The following DACH1 variants were observed in gnomAD, a reference collection of about 807,000 sequenced individuals.
DACH1 encodes the protein dachshund family transcription factor 1.
A neutral mutation model predicts 54.2 loss-of-function variants in DACH1; 12 were observed. The ratio of observed to expected loss-of-function variants is 0.22; its 90% CI spans 0.14 to 0.36. The LOEUF (loss-of-function observed/expected upper bound fraction) is 0.36, where lower values mean the gene tolerates loss of function less well. Among genes scored for constraint, DACH1 ranks in the 10% least tolerant of loss-of-function variants. DACH1 has a pLI of 1.00. For synonymous variants in DACH1, 386 were observed against 366.2 expected (o/e 1.05, Z -0.62); for missense variants, 805 against 929.8 (o/e 0.87, Z 1.75).
chr13:71,706,424 A>AAATAT (rs1882450334), intron 1 of DACH1, among the ~76,000 whole-genome samples: 1 of 152,054 alleles, frequency 6.6e-6, no homozygotes, highest in Non-Finnish European at 1.5e-5. Context: ...GCATATTTGC[A>AAATAT]AATATTCAGA....
chr13:71,594,855 C>G (rs890770140), intron 3 of DACH1, among the ~76,000 whole-genome samples: 2 of 152,058 alleles, frequency 1.3e-5, no homozygotes, highest in Non-Finnish European at 1.5e-5. Context: ...AGGCACTGTT[C>G]TAGTTACTAG....
intron 2 of DACH1, chr13:71,675,280 C>T (rs1880491862): frequency 3.1e-6 from 5 of 1,599,490 alleles, no homozygotes; most frequent in Non-Finnish European, 2.6e-6. Flanking sequence ...GAGTCTGGTG[C>T]GAGAAATTGC....
At chr13:71,611,691 T>C (rs1052842813) in intron 3 of DACH1, among the ~76,000 whole-genome samples, 7 of 152,210 alleles carry the variant, frequency 4.6e-5, no homozygotes, top group African/African-American at 1.7e-4. Flanking sequence ...ATGTAAATTT[T>C]CAGATTTAAT....
At chr13:71,552,822 T>C (rs1468485375) in intron 6 of DACH1, among the ~76,000 whole-genome samples, 1 of 53,928 alleles carries the variant, frequency 1.9e-5, no homozygotes, top group Non-Finnish European at 3.5e-5. Context: ...TATATATATA[T>C]ATATATATAT....
intron 6 of DACH1, among the ~76,000 whole-genome samples, chr13:71,529,699 C>A (rs1593842877): frequency 6.6e-6 from 1 of 152,276 alleles, no homozygotes; most frequent in African/African-American, 2.4e-5. Flanking sequence ...TATCACCATT[C>A]ATCTTTTAAG....
chr13:71,681,746 C>T lies in DACH1; in HGVS notation c.964+49G>A, dbSNP rs762368917. ...CCACAGATATATATAAAAGCTACGA[C>T]ATTGGCTGATTTTTAATATTTTTTG... is the stretch of plus-strand genomic sequence containing the variant. On this transcript the variant is annotated intron_variant, in intron 2 of 10. Coordinates refer to ENST00000613252, the MANE Select transcript of DACH1 (RefSeq NM_080759.6). 5.1e-6 allele frequency: 7 copies of T among 1,368,720 alleles called. No homozygotes were observed. In the South Asian group the frequency reaches 7.1e-5, roughly 14 times the overall value. The allele number at this position is 1,368,720 out of a possible 1,614,324, so 84.8% of individuals were successfully genotyped here. A position where few individuals can be genotyped will look rare whatever the true frequency, so the allele number is the denominator to read the frequency against.
At chr13:71,559,682 T>C (rs1884465641) in intron 5 of DACH1, 138 bp downstream of exon 5, 3 of 1,089,576 alleles carry the variant, frequency 2.8e-6, no homozygotes, top group Non-Finnish European at 2.6e-6. Context: ...AAACATAATT[T>C]TGAGAGATGG....
At chr13:71,626,399 A>G (rs1876647748) in intron 3 of DACH1, among the ~76,000 whole-genome samples, 1 of 151,972 alleles carries the variant, frequency 6.6e-6, no homozygotes, top group African/African-American at 2.4e-5. Context: ...AAACATAGCT[A>G]TAGACACTAT....
At chr13:71,505,994 T>A (rs966269129) in intron 6 of DACH1, among the ~76,000 whole-genome samples, 2 of 152,112 alleles carry the variant, frequency 1.3e-5, no homozygotes, top group African/African-American at 4.8e-5. Flanking sequence ...TGTTCCTTCA[T>A]CCTCTTGATA....
chr13:71,743,251 C>T (rs1431787225), intron 1 of DACH1, among the ~76,000 whole-genome samples: 1 of 152,004 alleles, frequency 6.6e-6, no homozygotes, highest in African/African-American at 2.4e-5. Context: ...TTGTGAACCC[C>T]AAAGCAGAAC....
chr13:71,828,533 C>T (rs892026811), intron 1 of DACH1, among the ~76,000 whole-genome samples: 4 of 151,998 alleles, frequency 2.6e-5, no homozygotes, highest in Admixed American at 6.6e-5. Context: ...CTATAAACCA[C>T]GGTTTGTAGC....
At chr13:71,533,221 T>C (rs1882532593) in intron 6 of DACH1, among the ~76,000 whole-genome samples, 1 of 151,936 alleles carries the variant, frequency 6.6e-6, no homozygotes, top group African/African-American at 2.4e-5. Context: ...TCCTATATTT[T>C]CCATTAATTG....
intron 6 of DACH1, among the ~76,000 whole-genome samples, chr13:71,494,919 A>C (rs1355711697): frequency 6.6e-6 from 1 of 152,074 alleles, no homozygotes; most frequent in African/African-American, 2.4e-5. Context: ...ACACATAACA[A>C]TTTAGCAGGA....
chr13:71,531,632 C>A (rs1044990449), intron 6 of DACH1, among the ~76,000 whole-genome samples: 2 of 151,658 alleles, frequency 1.3e-5, no homozygotes, highest in African/African-American at 4.8e-5. Flanking sequence ...TTAAAACATG[C>A]AAGCAAAGGA....
intron 6 of DACH1, among the ~76,000 whole-genome samples, chr13:71,512,751 C>A (rs1355093704): frequency 2.0e-5 from 3 of 151,852 alleles, no homozygotes; most frequent in African/African-American, 7.2e-5. Flanking sequence ...ATTTCAAATA[C>A]ATCCATAGTT....
In DACH1 at chr13:71,628,899, T is replaced by C. The variant is rs1876861693; in HGVS notation, c.1126+1657A>G. Among the ~76,000 whole-genome samples, 3 of 152,102 alleles carry C rather than the reference T, an allele frequency of 2.0e-5. No individual in the cohort carries two copies. The South Asian group carries it at 6.2e-4, about 31-fold the overall frequency. ...ATGTTTTAATGTGTTTTGCTTTAAA[T>C]GTTGTTAAATTGCCTATTTTAAGAA... On this transcript the variant is annotated intron_variant, in intron 3 of 10. Coordinates refer to ENST00000613252, the MANE Select transcript of DACH1 (RefSeq NM_080759.6).
chr13:71,521,427 G>A (rs1366664458), intron 6 of DACH1, among the ~76,000 whole-genome samples: 1 of 151,962 alleles, frequency 6.6e-6, no homozygotes, highest in Non-Finnish European at 1.5e-5. Context: ...TTTAACATAG[G>A]TCTAAATCTC....
chr13:71,728,291 C>T (rs1333400215), intron 1 of DACH1, among the ~76,000 whole-genome samples: 1 of 151,858 alleles, frequency 6.6e-6, no homozygotes. Context: ...AAACTATGAT[C>T]ATATCTCTTT....
intron 1 of DACH1, among the ~76,000 whole-genome samples, chr13:71,794,183 T>C (rs1161459625): frequency 6.6e-6 from 1 of 152,160 alleles, no homozygotes; most frequent in Non-Finnish European, 1.5e-5. Flanking sequence ...AACTTAGAGA[T>C]GAGAAACTGA....
Sources: gnomAD v4.1 joint callset for allele counts (sites outside exome capture counted in the v4.1 genomes callset) on GRCh38, gnomAD v4.1.1 for gene constraint, MANE v1.5 for transcripts, NCBI Gene and HGNC (gene_info 2026-07-23, HGNC 2026-07-21) for gene names.